LRBA: variants seen among roughly 807,000 people sequenced by gnomAD.
LRBA encodes lipopolysaccharide-responsive and beige-like anchor protein.
A neutral mutation model predicts 330.0 loss-of-function variants in LRBA; 176 were observed. The observed-to-expected ratio is 0.53, with a 90% CI of 0.47 to 0.60. LRBA has a LOEUF of 0.60. Among genes scored for constraint, LRBA ranks in the 20% least tolerant of loss-of-function variants. LRBA has a pLI of 0.00. For missense variants in LRBA, 3,259 were observed against 3,444.8 expected (o/e 0.95, Z 1.35); for synonymous variants, 1,230 against 1,193.0 (o/e 1.03, Z -0.64).
At chr4:150,380,001 A>AC (rs1489840369) in intron 47 of LRBA, among the ~76,000 whole-genome samples, 1 of 77,510 alleles carries the variant, frequency 1.3e-5, no homozygotes, top group African/African-American at 4.0e-5. Context: ...CATTTCTACT[A>AC]CTAAAAAAAA....
chr4:150,946,288 C>T (rs1238018664), intron 2 of LRBA, among the ~76,000 whole-genome samples: 1 of 152,084 alleles, frequency 6.6e-6, no homozygotes, highest in Non-Finnish European at 1.5e-5. Context: ...AACTAATTGA[C>T]ATTTATATAA....
chr4:150,868,074 T>C (rs1333681534), intron 21 of LRBA, 108 bp downstream of exon 21: 7 of 1,207,004 alleles, frequency 5.8e-6, no homozygotes, highest in Admixed American at 2.4e-5. Flanking sequence ...ATAAAAAAAA[T>C]AGAAAAATCA....
chr4:150,580,566 C>T (rs1771179348), intron 40 of LRBA: 1 of 152,166 alleles, frequency 6.6e-6, no homozygotes, highest in Admixed American at 6.5e-5. Context: ...CCCAAATGGA[C>T]GCATAGATTT....
intron 48 of LRBA, among the ~76,000 whole-genome samples, chr4:150,338,523 C>T (rs1051948256): frequency 6.6e-6 from 1 of 152,170 alleles, no homozygotes; most frequent in Admixed American, 6.6e-5. Context: ...CCCACCCCTT[C>T]TTCCAACCTC....
At chr4:150,441,939 A>G (rs893791080) in intron 44 of LRBA, among the ~76,000 whole-genome samples, 1 of 152,198 alleles carries the variant, frequency 6.6e-6, no homozygotes, top group Non-Finnish European at 1.5e-5. Flanking sequence ...ACACAAAAAA[A>G]TACTTAACAA....
intron 37 of LRBA, among the ~76,000 whole-genome samples, chr4:150,615,830 C>T (rs189631662): frequency 3.9e-5 from 6 of 151,926 alleles, no homozygotes; most frequent in Non-Finnish European, 7.4e-5. Context: ...CAGTGACATG[C>T]AAGCAGAAGT....
chr4:150,996,360 A>C (rs748874189), intron 2 of LRBA, among the ~76,000 whole-genome samples: 5 of 152,112 alleles, frequency 3.3e-5, no homozygotes, highest in Non-Finnish European at 5.9e-5. Flanking sequence ...CCATATTCCT[A>C]CCCTCAGACT....
chr4:150,558,071 T>C (rs577181435), intron 40 of LRBA, among the ~76,000 whole-genome samples: 1 of 152,166 alleles, frequency 6.6e-6, no homozygotes, highest in Non-Finnish European at 1.5e-5. Flanking sequence ...CTAATTTTTG[T>C]TATTTTTAGT....
intron 47 of LRBA, among the ~76,000 whole-genome samples, chr4:150,386,140 G>C (rs555156611): frequency 4.6e-5 from 7 of 152,064 alleles, no homozygotes; most frequent in African/African-American, 1.7e-4. Context: ...GAAGATACAT[G>C]TAAGATATTC....
chr4:150,865,347 G>A (rs372484460), intron 22 of LRBA, among the ~76,000 whole-genome samples: 18 of 152,270 alleles, frequency 1.2e-4, no homozygotes, highest in East Asian at 3.9e-4. Context: ...GGGCCATGTC[G>A]TTGATGTAAC....
intron 37 of LRBA, among the ~76,000 whole-genome samples, chr4:150,670,211 A>C (rs937222919): frequency 2.6e-5 from 4 of 152,234 alleles, no homozygotes; most frequent in African/African-American, 9.6e-5. Context: ...GGTGTCTGCC[A>C]AAAGATGATT....
chr4:150,623,450 C>T (rs1198166164), intron 37 of LRBA, among the ~76,000 whole-genome samples: 1 of 151,786 alleles, frequency 6.6e-6, no homozygotes, highest in African/African-American at 2.4e-5. Context: ...TAGTATATGC[C>T]TGTTAAAAAA....
At chr4:150,802,802 T>C (rs1022514769) in intron 33 of LRBA, among the ~76,000 whole-genome samples, 1 of 151,958 alleles carries the variant, frequency 6.6e-6, no homozygotes, top group African/African-American at 2.4e-5. Context: ...GCCGGAGGAC[T>C]GCTCGGGGTC....
chr4:150,752,493 T>A (rs191269076), intron 35 of LRBA, among the ~76,000 whole-genome samples: 178 of 152,012 alleles, frequency 1.2e-3, no homozygotes, highest in Middle Eastern at 3.4e-3. Flanking sequence ...TAAAAAAAAA[T>A]TTTTAATGGG....
intron 40 of LRBA, among the ~76,000 whole-genome samples, chr4:150,540,586 T>G (rs1765213585): frequency 1.3e-5 from 2 of 152,176 alleles, no homozygotes; most frequent in African/African-American, 4.8e-5. Flanking sequence ...GTAAAGTAAC[T>G]CAACAAAAAG....
At chr4:150,811,713 C>T (rs1279394252) in intron 31 of LRBA, among the ~76,000 whole-genome samples, 1 of 152,002 alleles carries the variant, frequency 6.6e-6, no homozygotes, top group African/African-American at 2.4e-5. Context: ...CTTTGTTGTC[C>T]AGGCTAGTCT....
rs139503003 is a variant in LRBA at position 150,841,037 on chromosome 4, T to G, written c.4569+3063A>C. 45 of 1,208,296 alleles carry G rather than the reference T, an allele frequency of 3.7e-5. No individual in the cohort carries two copies. In the East Asian group the frequency reaches 2.6e-3, roughly 69 times the overall value. 74.8% of individuals were successfully genotyped at this position (1,208,296 alleles called of 1,614,324 possible). A position where few individuals can be genotyped will look rare whatever the true frequency, so the allele number is the denominator to read the frequency against. On this transcript the variant is annotated intron_variant, in intron 28 of 56. Coordinates refer to ENST00000651943, the MANE Select transcript of LRBA (RefSeq NM_001364905.1). ...ATCTATGATATTTTGCAGGTTCATA[T>G]GTAATGACTTCTTAGTCTGTTGGAA...
At chr4:150,558,243 C>T (rs1264259961) in intron 40 of LRBA, among the ~76,000 whole-genome samples, 1 of 152,104 alleles carries the variant, frequency 6.6e-6, no homozygotes. Context: ...AGAGCCCACA[C>T]TTAGCAGGTG....
chr4:150,448,933 C>T (rs923932124), intron 44 of LRBA, among the ~76,000 whole-genome samples: 6 of 151,446 alleles, frequency 4.0e-5, no homozygotes, highest in Admixed American at 6.6e-5. Context: ...TTTGCATGCA[C>T]TTGTAAGCTC....
Sources: allele counts gnomAD v4.1 joint callset (sites outside exome capture counted in the v4.1 genomes callset), GRCh38; gene constraint gnomAD v4.1.1; transcripts MANE v1.5; gene names NCBI Gene and HGNC (gene_info 2026-07-23, HGNC 2026-07-21).